Variants in NFATC2 observed in about 807,000 individuals in gnomAD.
NFATC2 encodes the protein nuclear factor of activated T-cells, cytoplasmic 2.
A neutral mutation model predicts 87.3 loss-of-function variants in NFATC2; 22 were observed. That is an observed-to-expected ratio of 0.25 (90% confidence interval 0.18 to 0.36). The LOEUF (loss-of-function observed/expected upper bound fraction) is 0.36. Among genes scored for constraint, NFATC2 ranks in the 10% least tolerant of loss-of-function variants. The pLI is 1.00. For synonymous variants in NFATC2, 565 were observed against 542.2 expected, an observed-to-expected ratio of 1.04 and a Z score of -0.58; for missense variants, 1,149 against 1,259.1, an observed-to-expected ratio of 0.91 and a Z score of 1.32.
chr20:51,465,001 CCTGTCCCTCTCAT>C (rs1987533298), intron 5 of NFATC2, among the ~76,000 whole-genome samples: 1 of 152,230 alleles, frequency 6.6e-6, no homozygotes, highest in Non-Finnish European at 1.5e-5. Flanking sequence ...TCTTCCCTGT[CCTGTCCCTCTCAT>C]CTTCTTTCTT....
chr20:51,515,867 C>A lies in NFATC2; in HGVS notation c.1332+917G>T, dbSNP rs566104195. On this transcript the variant is annotated intron_variant, in intron 3 of 10. Transcript: ENST00000371564. ...TAGTTTCTAATTTAGTTTCAGAATG[C>A]CCAACAATCTGAATTTTTAAGAACC... 3.1e-3 allele frequency among the ~76,000 whole-genome samples: 476 copies of A among 152,088 alleles called. 1 individual carries two copies. Among genetic ancestry groups the A allele is most frequent in the Middle Eastern group, 0.014 (4 of 294 alleles).
Position 51,387,058 on chromosome 20 carries a change from A to T in NFATC2, c.*4438T>A, listed in dbSNP as rs767590496. On this transcript the variant is annotated 3_prime_UTR_variant, in exon 11 of 11. Coordinates refer to ENST00000371564, the MANE Select transcript of NFATC2 (RefSeq NM_012340.5). ...AATAAACTACATTAAACTGGAGATT[A>T]AAAACATTTGCATAGGAATGTGATG... 16 of 152,262 alleles carry T rather than the reference A, an allele frequency of 1.1e-4. No individual in the cohort carries two copies. Among genetic ancestry groups the T allele is most frequent in the Non-Finnish European group, 2.4e-4 (16 of 68,038 alleles). 9.4% of individuals were successfully genotyped at this position (152,262 alleles called of 1,614,324 possible). A position where few individuals can be genotyped will look rare whatever the true frequency, so the allele number is the denominator to read the frequency against.
chr20:51,522,280 G>T (rs1484075148), intron 2 of NFATC2, among the ~76,000 whole-genome samples: 1 of 150,860 alleles, frequency 6.6e-6, no homozygotes, highest in Non-Finnish European at 1.5e-5. Flanking sequence ...GTACAAAAGC[G>T]GGGCGGGGGG....
At chr20:51,394,177 A>G (rs973491465) in intron 10 of NFATC2, among the ~76,000 whole-genome samples, 20 of 152,054 alleles carry the variant, frequency 1.3e-4, no homozygotes, top group Non-Finnish European at 1.5e-5. Flanking sequence ...CCTGACTGCC[A>G]ACAAGGAGAA....
intron 9 of NFATC2, among the ~76,000 whole-genome samples, chr20:51,407,263 C>T (rs1371727769): frequency 5.3e-5 from 8 of 152,214 alleles, no homozygotes. Flanking sequence ...CGTGCCACCC[C>T]ATCATGCCCT....
At chr20:51,485,648 T>TA (rs1026387512) in intron 3 of NFATC2, among the ~76,000 whole-genome samples, 9 of 152,124 alleles carry the variant, frequency 5.9e-5, no homozygotes, top group Non-Finnish European at 1.2e-4. Context: ...TCCAACCATC[T>TA]AGGTTTACAT....
chr20:51,474,417 A>G (rs1988516861), intron 4 of NFATC2, among the ~76,000 whole-genome samples: 1 of 152,232 alleles, frequency 6.6e-6, no homozygotes, highest in Non-Finnish European at 1.5e-5. Context: ...AACTCTATGT[A>G]ACTGGGGACT....
intron 1 of NFATC2, among the ~76,000 whole-genome samples, chr20:51,540,334 C>T (rs6021277): frequency 0.42 from 64,042 of 151,986 alleles, 13,634 homozygotes; most frequent in Non-Finnish European, 0.46. Context: ...ACTCTTGATA[C>T]GATGTGATGA....
intron 5 of NFATC2, among the ~76,000 whole-genome samples, chr20:51,457,343 C>A (rs1044337360): frequency 6.6e-6 from 1 of 152,224 alleles, no homozygotes; most frequent in African/African-American, 2.4e-5. Context: ...CGCTACTGGG[C>A]AAGCCAGCCC....
At chr20:51,484,154 C>A (rs1989509252) in intron 3 of NFATC2, among the ~76,000 whole-genome samples, 1 of 151,840 alleles carries the variant, frequency 6.6e-6, no homozygotes, top group Non-Finnish European at 1.5e-5. Context: ...CTCAAGAGAG[C>A]CAGACACCCA....
intron 5 of NFATC2, among the ~76,000 whole-genome samples, chr20:51,471,829 T>A (rs536992272): frequency 1.9e-4 from 29 of 152,372 alleles, no homozygotes; most frequent in South Asian, 1.7e-3. Context: ...ACTATTTTTT[T>A]AAATCGGGAT....
intron 1 of NFATC2, among the ~76,000 whole-genome samples, chr20:51,534,150 G>C (rs1037212402): frequency 1.1e-4 from 17 of 151,928 alleles, no homozygotes; most frequent in Non-Finnish European, 2.5e-4. Flanking sequence ...CTCTGTGTTA[G>C]AGATGGGGAA....
intron 3 of NFATC2, among the ~76,000 whole-genome samples, chr20:51,476,075 CTTT>C (rs10599453): frequency 0.093 from 13,178 of 141,102 alleles, 604 homozygotes; most frequent in Middle Eastern, 0.17. Flanking sequence ...ACTGTCACTT[CTTT>C]TTTTTTTTTT....
chr20:51,480,602 A>G lies in NFATC2; in HGVS notation c.1333-4942T>C, dbSNP rs1457904465. ...AGCAGTGTGGTATAGCTGAAAGCACAAAGTTTTTCACTTTGGGTCAGACAT... is the reference window on the plus strand; with the variant it reads ...AGCAGTGTGGTATAGCTGAAAGCACGAAGTTTTTCACTTTGGGTCAGACAT... On this transcript the variant is annotated intron_variant, in intron 3 of 10. Coordinates refer to ENST00000371564, the MANE Select transcript of NFATC2 (RefSeq NM_012340.5). The surrounding 1 kb of genome is among the most constrained non-coding windows in gnomAD (Gnocchi z 4.2). Among the ~76,000 whole-genome samples the G allele has an allele frequency of 6.6e-6, 1 of 152,196 alleles. No individual in the cohort carries two copies. Among genetic ancestry groups the G allele is most frequent in the East Asian group, 1.9e-4 (1 of 5,186 alleles).
chr20:51,449,495 T>C (rs1477613143), intron 6 of NFATC2, among the ~76,000 whole-genome samples: 3 of 152,144 alleles, frequency 2.0e-5, no homozygotes, highest in African/African-American at 7.2e-5. Flanking sequence ...CAGAAATGTA[T>C]CCTCTTGATG....
intron 5 of NFATC2, among the ~76,000 whole-genome samples, chr20:51,457,438 T>C (rs965522065): frequency 1.3e-5 from 2 of 152,240 alleles, no homozygotes; most frequent in Non-Finnish European, 2.9e-5. Flanking sequence ...ACAGTTGGGC[T>C]GTGAATCACT....
intron 10 of NFATC2, among the ~76,000 whole-genome samples, chr20:51,395,840 A>G (rs1047106829): frequency 7.9e-5 from 12 of 152,094 alleles, no homozygotes; most frequent in East Asian, 5.8e-4. Context: ...CCAGGGGTCA[A>G]CAAACTTCTC....
At chr20:51,547,893 CT>C (rs1436162842) in intron 1 of NFATC2, among the ~76,000 whole-genome samples, 1 of 152,150 alleles carries the variant, frequency 6.6e-6, no homozygotes, top group East Asian at 1.9e-4. Flanking sequence ...GAATTCAGGC[CT>C]TCATTATTTC....
chr20:51,546,929 G>A (rs1009647119), upstream of NFATC2, among the ~76,000 whole-genome samples: 5 of 152,178 alleles, frequency 3.3e-5, no homozygotes, highest in Non-Finnish European at 7.3e-5. Context: ...TGAGGCAGGA[G>A]GAAAGTATGA....
Sources: allele counts gnomAD v4.1 joint callset (sites outside exome capture counted in the v4.1 genomes callset), GRCh38; gene constraint gnomAD v4.1.1; non-coding constraint Gnocchi (gnomAD v3.1); transcripts MANE v1.5; gene names NCBI Gene and HGNC (gene_info 2026-07-23, HGNC 2026-07-21).